Variants in CFAP299 observed in about 807,000 individuals in gnomAD.
CFAP299 encodes cilia- and flagella-associated protein 299.
Under a neutral mutation model 27.0 loss-of-function variants are expected in CFAP299, and 21 were observed. The observed-to-expected ratio is 0.78, with a 90% CI of 0.55 to 1.12. The LOEUF (loss-of-function observed/expected upper bound fraction) is 1.12, where lower values mean the gene tolerates loss of function less well. CFAP299 is among the 50% of genes most tolerant of loss of function. The pLI, the probability that CFAP299 is intolerant of heterozygous loss-of-function variation, is 0.00. For synonymous variants in CFAP299, 104 were observed against 98.1 expected (o/e 1.06, Z -0.36); for missense variants, 310 against 276.6 (o/e 1.12, Z -0.86).
chr4:80,435,728 G>A (rs1172439920), intron 2 of CFAP299, among the ~76,000 whole-genome samples: 2 of 152,196 alleles, frequency 1.3e-5, no homozygotes, highest in African/African-American at 4.8e-5. Flanking sequence ...CTCCATGGTT[G>A]ATCAGGGAAT....
intron 1 of CFAP299, among the ~76,000 whole-genome samples, chr4:80,354,101 G>C (rs772153622): frequency 6.6e-6 from 1 of 152,080 alleles, no homozygotes; most frequent in Non-Finnish European, 1.5e-5. Flanking sequence ...AATGAGCAAA[G>C]GGTTCATTTA....
intron 3 of CFAP299, among the ~76,000 whole-genome samples, chr4:80,656,300 C>A (rs563307530): frequency 1.3e-5 from 2 of 152,002 alleles, no homozygotes; most frequent in African/African-American, 4.8e-5. Flanking sequence ...TAGGTATACA[C>A]GTGCCATGGT....
intron 2 of CFAP299, among the ~76,000 whole-genome samples, chr4:80,369,867 G>A (rs149322265): frequency 6.6e-6 from 1 of 152,152 alleles, no homozygotes; most frequent in Non-Finnish European, 1.5e-5. Flanking sequence ...GACAGCTTCT[G>A]GATAGTGCAT....
At chr4:80,538,922 A>G (rs1439491843) in intron 2 of CFAP299, among the ~76,000 whole-genome samples, 1 of 152,232 alleles carries the variant, frequency 6.6e-6, no homozygotes, top group Non-Finnish European at 1.5e-5. Context: ...TTGTTTTATG[A>G]ACAGTAAAGT....
intron 3 of CFAP299, among the ~76,000 whole-genome samples, chr4:80,595,068 C>CCT (rs1328452519): frequency 1.3e-5 from 2 of 152,120 alleles, no homozygotes; most frequent in Non-Finnish European, 2.9e-5. Context: ...CAGTCCTTTG[C>CCT]CTGGGTGTTT....
intron 3 of CFAP299, among the ~76,000 whole-genome samples, chr4:80,803,582 C>A (rs2110111683): frequency 6.6e-6 from 1 of 151,884 alleles, no homozygotes; most frequent in South Asian, 2.1e-4. Context: ...TCTTATAGAC[C>A]AGCTTCCTCC....
rs901415814 is a variant in CFAP299 at position 80,836,900 on chromosome 4, A to G, written c.334-33093A>G. Among the ~76,000 whole-genome samples, 9 of 152,248 alleles carry G rather than the reference A, an allele frequency of 5.9e-5. 1 individual carries two copies. The East Asian group carries it at 1.7e-3, about 29-fold the overall frequency. On this transcript the variant is annotated intron_variant, in intron 3 of 5. Coordinates refer to ENST00000358105, the MANE Select transcript of CFAP299 (RefSeq NM_152770.3). The stretch of plus-strand genomic sequence containing the variant: ...TATTTTGTAGTCACTCAATTAAAAA[A>G]AAGTTTTCACTGAAAGCATTACTCC...
the CFAP299 span, among the ~76,000 whole-genome samples, chr4:80,324,820 C>T: frequency 1.3e-4 from 20 of 151,900 alleles, no homozygotes; most frequent in African/African-American, 3.1e-4. Flanking sequence ...TTTAGGAGGG[C>T]GAGGTAAAAA....
At chr4:80,867,835 GGGA>G (rs1732836276) in intron 3 of CFAP299, among the ~76,000 whole-genome samples, 1 of 152,120 alleles carries the variant, frequency 6.6e-6, no homozygotes, top group Non-Finnish European at 1.5e-5. Flanking sequence ...TATGAATTTG[GGGA>G]GGACACAATT....
intron 2 of CFAP299, among the ~76,000 whole-genome samples, chr4:80,416,620 C>A (rs1019369840): frequency 6.6e-6 from 1 of 152,130 alleles, no homozygotes; most frequent in Non-Finnish European, 1.5e-5. Flanking sequence ...TGAGTAAAAT[C>A]AGAGTAACTC....
intron 2 of CFAP299, among the ~76,000 whole-genome samples, chr4:80,492,695 A>T (rs1326459017): frequency 6.6e-6 from 1 of 152,234 alleles, no homozygotes; most frequent in Non-Finnish European, 1.5e-5. Flanking sequence ...AGGCCAACAG[A>T]TCATGAGACA....
At chr4:80,901,279 C>T (rs1734879292) in intron 4 of CFAP299, among the ~76,000 whole-genome samples, 1 of 152,134 alleles carries the variant, frequency 6.6e-6, no homozygotes, top group Non-Finnish European at 1.5e-5. Context: ...ACACCTATTA[C>T]ATATTAAGCT....
chr4:80,824,295 A>G (rs967291164), intron 3 of CFAP299, among the ~76,000 whole-genome samples: 5 of 152,290 alleles, frequency 3.3e-5, no homozygotes, highest in Non-Finnish European at 5.9e-5. Context: ...GTGGCTACCC[A>G]TCCTCTACCT....
At chr4:80,808,779 G>A (rs143485494) in intron 3 of CFAP299, among the ~76,000 whole-genome samples, 4 of 152,096 alleles carry the variant, frequency 2.6e-5, no homozygotes, top group South Asian at 2.1e-4. Flanking sequence ...GATTCTGAGA[G>A]CCACAATTAT....
chr4:80,676,468 G>C (rs1719461546), intron 3 of CFAP299, among the ~76,000 whole-genome samples: 1 of 152,068 alleles, frequency 6.6e-6, no homozygotes, highest in African/African-American at 2.4e-5. Flanking sequence ...ATGCTGGCCT[G>C]GTAGAATAAG....
At chr4:80,469,199 T>C (rs1051760708) in intron 2 of CFAP299, among the ~76,000 whole-genome samples, 1 of 152,220 alleles carries the variant, frequency 6.6e-6, no homozygotes, top group Non-Finnish European at 1.5e-5. Context: ...AAACAGAAAC[T>C]GATGGAGGAT....
chr4:80,718,879 C>CAT (rs1320446244), intron 3 of CFAP299, among the ~76,000 whole-genome samples: 2 of 151,970 alleles, frequency 1.3e-5, no homozygotes, highest in African/African-American at 4.8e-5. Flanking sequence ...GTTCAAAGCA[C>CAT]TAATGTGCTT....
At chr4:80,805,871 G>T (rs1728838473) in intron 3 of CFAP299, among the ~76,000 whole-genome samples, 1 of 151,696 alleles carries the variant, frequency 6.6e-6, no homozygotes, top group African/African-American at 2.4e-5. Context: ...GAGAGACCTT[G>T]TCTCAAAAAA....
intron 3 of CFAP299, among the ~76,000 whole-genome samples, chr4:80,861,565 T>C (rs767751824): frequency 1.3e-5 from 2 of 152,134 alleles, no homozygotes; most frequent in Non-Finnish European, 2.9e-5. Flanking sequence ...TGCTCTCCAA[T>C]CATCTTATTC....
Sources: gnomAD v4.1 joint callset for allele counts (sites outside exome capture counted in the v4.1 genomes callset) on GRCh38, gnomAD v4.1.1 for gene constraint, MANE v1.5 for transcripts, NCBI Gene and HGNC (gene_info 2026-07-23, HGNC 2026-07-21) for gene names.